EPHA8: variants seen among roughly 807,000 people sequenced by gnomAD.
EPHA8 encodes the protein EPH receptor A8.
A neutral mutation model predicts 103.6 loss-of-function variants in EPHA8; 58 were observed. The ratio of observed to expected loss-of-function variants is 0.56; its 90% CI spans 0.45 to 0.70. The LOEUF (loss-of-function observed/expected upper bound fraction) is 0.70. EPHA8 is among the 30% of genes least tolerant of loss of function. The pLI is 0.00. For synonymous variants in EPHA8, 559 were observed against 572.5 expected, an observed-to-expected ratio of 0.98 and a Z score of 0.34; for missense variants, 1,304 against 1,395.2, an observed-to-expected ratio of 0.93 and a Z score of 1.04.
rs1362201512 is a variant in EPHA8, at chr1:22,588,906, G to A, written c.1015G>A (p.Val339Met). 6 of 1,603,850 alleles carry A rather than the reference G, an allele frequency of 3.7e-6. No individual in the cohort carries two copies. The African/African-American group carries it at 4.0e-5, about 11-fold the overall frequency. Residue 339 changes from valine (V) to methionine (M), a missense_variant, in exon 5 of 17, where the codon GTG (valine) becomes ATG (methionine). Coordinates refer to ENST00000166244, the MANE Select transcript of EPHA8 (RefSeq NM_020526.5). The stretch of plus-strand genomic sequence containing the variant: ...GGCACCAGTGAACCTGATCTCCAGT[G>A]TGAATGGGACATCAGTGACTCTGGA... ...PSAPVNLISS[V>M]NGTSVTLEWA...
rs571655289 is a variant in EPHA8 at position 22,597,176 on chromosome 1, C to T, written c.1766-136C>T. ...TCACTTGGGAAATACTTATGGGGTGCGTGTTGTTTGCTACCACATCCAGAG... is the reference window on the plus strand; with the variant it reads ...TCACTTGGGAAATACTTATGGGGTGTGTGTTGTTTGCTACCACATCCAGAG... On this transcript the variant is annotated intron_variant, in intron 9 of 16. Coordinates refer to ENST00000166244, the MANE Select transcript of EPHA8 (RefSeq NM_020526.5). The surrounding 1 kb of genome is among the most constrained non-coding windows in gnomAD (Gnocchi z 4.6). 8.5e-4 allele frequency: 560 copies of T among 658,622 alleles called. 10 individuals carry two copies. In the South Asian group the frequency reaches 0.012, roughly 14 times the overall value. 40.8% of individuals were successfully genotyped at this position (658,622 alleles called of 1,614,324 possible).
In EPHA8 at chr1:22,576,761, G is replaced by C. The variant is rs374015787; in HGVS notation, c.704G>C (p.Arg235Pro). ...SLVEVRGQCV[R>P]HSEERDTPKM... The stretch of plus-strand genomic sequence containing the variant: ...GTGGAGGTGAGGGGCCAGTGCGTGC[G>C]GCACTCAGAGGAGCGGGACACACCC... The change falls in exon 3 of 17, where the codon CGG becomes CCG. Residue 235 changes from arginine to proline, a missense_variant. By Grantham distance (103) the Arg-to-Pro change is moderately radical (BLOSUM62 -2). Coordinates refer to ENST00000166244, the MANE Select transcript of EPHA8 (RefSeq NM_020526.5). The surrounding 1 kb of genome is among the most constrained non-coding windows in gnomAD (Gnocchi z 4.8). 8 of 1,613,646 alleles carry C rather than the reference G, an allele frequency of 5.0e-6. No homozygotes were observed. Among genetic ancestry groups the C allele is most frequent in the South Asian group, 1.1e-5 (1 of 91,090 alleles).
chr1:22,600,934 G>A lies in EPHA8; in HGVS notation c.2575G>A (p.Ala859Thr), dbSNP rs200796590. ...SSVEEGYRLPAPMGCPHALHQ... is the reference protein window; with the variant it reads ...SSVEEGYRLPTPMGCPHALHQ... ...TGTGGAGGAGGGGTACCGCCTGCCC[G>A]CACCCATGGGCTGCCCCCACGCCCT... The change falls in exon 15 of 17, where the codon GCA becomes ACA. Residue 859 changes from alanine (A) to threonine (T), a missense_variant. By Grantham distance (58) the Ala-to-Thr change is moderately conservative. Coordinates refer to ENST00000166244, the MANE Select transcript of EPHA8 (RefSeq NM_020526.5). 21 of 1,611,686 alleles carry A rather than the reference G, an allele frequency of 1.3e-5. No homozygotes were observed. Among genetic ancestry groups the A allele is most frequent in the African/African-American group, 4.0e-5 (3 of 75,010 alleles).
Position 22,598,922 on chromosome 1 carries a change from G to A in EPHA8, c.2263G>A (p.Gly755Ser). The change falls in exon 13 of 17, where the codon GGC becomes AGC. Residue 755 changes from glycine (G) to serine (S), a missense_variant. Transcript: ENST00000166244. The surrounding 1 kb of genome is among the most constrained non-coding windows in gnomAD (Gnocchi z 5.1). The part of the protein sequence containing the change: ...GAGMRYLSDL[G>S]YVHRDLAARN... The stretch of plus-strand genomic sequence containing the variant: ...CGGCATGCGCTACCTCTCAGACCTG[G>A]GCTATGTCCACCGAGACCTGGCCGC... 3 of 1,609,894 alleles carry A rather than the reference G, an allele frequency of 1.9e-6. No homozygotes were observed. Among genetic ancestry groups the A allele is most frequent in the Non-Finnish European group, 2.5e-6 (3 of 1,178,822 alleles).
At chr1:22,593,791 T>A in intron 7 of EPHA8, 105 bp downstream of exon 7, 6 of 1,337,222 alleles carry the variant, frequency 4.5e-6, no homozygotes, top group Non-Finnish European at 5.9e-6. Flanking sequence ...CCAGTGCCAA[T>A]GCAGGATTTC....
At chr1:22,578,028 T>C (rs1640793990) in intron 3 of EPHA8, among the ~76,000 whole-genome samples, 1 of 100,934 alleles carries the variant, frequency 9.9e-6, no homozygotes, top group East Asian at 3.1e-4. Context: ...TGTACATGTG[T>C]GCATGTGTAT....
At chr1:22,586,453 C>T in intron 3 of EPHA8, 27 bp from the exon 4 acceptor site, 3 of 1,609,458 alleles carry the variant, frequency 1.9e-6, no homozygotes. Flanking sequence ...CCTGCTGGCT[C>T]ATGTGCAGCC....
At chr1:22,578,419 TG>T in intron 3 of EPHA8, among the ~76,000 whole-genome samples, 1 of 143,730 alleles carries the variant, frequency 7.0e-6, no homozygotes, top group East Asian at 2.1e-4. Context: ...CATGTCTGCA[TG>T]TGTACGTATG....
chr1:22,581,353 G>A (rs1290902983), intron 3 of EPHA8, among the ~76,000 whole-genome samples: 1 of 152,216 alleles, frequency 6.6e-6, no homozygotes, highest in African/African-American at 2.4e-5. Flanking sequence ...GTCGGCCACC[G>A]TCCCCAAGTC....
intron 3 of EPHA8, among the ~76,000 whole-genome samples, chr1:22,578,414 C>A (rs1426761404): frequency 1.1e-5 from 1 of 88,750 alleles, no homozygotes; most frequent in East Asian, 3.5e-4. Context: ...GTATGCATGT[C>A]TGCATGTGTA....
At chr1:22,577,475 G>A (rs952966317) in intron 3 of EPHA8, among the ~76,000 whole-genome samples, 1 of 152,126 alleles carries the variant, frequency 6.6e-6, no homozygotes, top group Non-Finnish European at 1.5e-5. Flanking sequence ...GTGGGACCGG[G>A]GCCCTGGGTG....
At chr1:22,585,846 C>T (rs1330864047) in intron 3 of EPHA8, among the ~76,000 whole-genome samples, 2 of 152,144 alleles carry the variant, frequency 1.3e-5, no homozygotes, top group Non-Finnish European at 2.9e-5. Context: ...GTAAAACAGA[C>T]CCCAGGTACC....
intron 3 of EPHA8, among the ~76,000 whole-genome samples, chr1:22,579,079 GTGTACGTGCA>G (rs1640942153): frequency 1.6e-5 from 2 of 128,882 alleles, no homozygotes; most frequent in African/African-American, 5.8e-5. Context: ...GTGTGTGCAT[GTGTACGTGCA>G]TGTGTGCATG....
At chr1:22,594,193 T>C (rs1264598710) in intron 7 of EPHA8, among the ~76,000 whole-genome samples, 1 of 152,010 alleles carries the variant, frequency 6.6e-6, no homozygotes, top group Non-Finnish European at 1.5e-5. Flanking sequence ...GGTCTTGAAC[T>C]CCTGACCTCA....
chr1:22,578,578 T>C (rs570737063), intron 3 of EPHA8, among the ~76,000 whole-genome samples: 1 of 150,906 alleles, frequency 6.6e-6, no homozygotes, highest in South Asian at 2.1e-4. Flanking sequence ...TGTCTGCATG[T>C]GTGCATGAAT....
At chr1:22,600,311 AGAAG>A (rs530151341) in intron 13 of EPHA8, among the ~76,000 whole-genome samples, 34 of 140,476 alleles carry the variant, frequency 2.4e-4, no homozygotes, top group Non-Finnish European at 4.4e-4. Flanking sequence ...GAAGAGGAAA[AGAAG>A]GGAGGAAGGA....
chr1:22,578,199 C>T (rs1353388023), intron 3 of EPHA8, among the ~76,000 whole-genome samples: 15 of 41,030 alleles, frequency 3.7e-4, no homozygotes, highest in Admixed American at 1.5e-3. Context: ...CATGTGTGTG[C>T]GTGCGAGTGT....
At position 22,583,313 on chromosome 1, in the gene EPHA8, T is replaced by C. The variant is rs683992; in HGVS notation, c.824-3167T>C. On this transcript the variant is annotated intron_variant, in intron 3 of 16. Coordinates refer to ENST00000166244, the MANE Select transcript of EPHA8 (RefSeq NM_020526.5). ...GGTGATTAGTATTCTTATTAAAGATTATTTTATTTTCATTGCGTGGATTAA... is the reference window on the plus strand; with the variant it reads ...GGTGATTAGTATTCTTATTAAAGATCATTTTATTTTCATTGCGTGGATTAA... Among the ~76,000 whole-genome samples the C allele has an allele frequency of 9.2e-3, 1,408 of 152,352 alleles. 20 individuals carry two copies. Among genetic ancestry groups the C allele is most frequent in the African/African-American group, 0.032 (1,338 of 41,588 alleles).
rs140243523 is a variant in EPHA8, at chr1:22,597,859, G to A, written c.2114G>A (p.Arg705His). ...ATCCGCCTCGAGGGTGTCGTCACCC[G>A]TGGTAGGTGCCGGGCAAAGACAGCC... The part of the protein sequence containing the change: ...NIIRLEGVVT[R>H]GRLAMIVTEY... The change falls in exon 11 of 17, where the codon CGT becomes CAT. Residue 705 changes from arginine (R) to histidine (H), a missense_variant and splice_region_variant. Arg to His is a conservative substitution (Grantham distance 29). Transcript: ENST00000166244. This position sits in a 1 kb window ranked among gnomAD's most constrained non-coding sequence, Gnocchi z 4.6. The A allele has an allele frequency of 2.9e-5, 46 of 1,606,384 alleles. No individual in the cohort carries two copies. Among genetic ancestry groups the A allele is most frequent in the East Asian group, 6.7e-5 (3 of 44,818 alleles).
Sources: gnomAD v4.1 joint callset for allele counts (sites outside exome capture counted in the v4.1 genomes callset) on GRCh38, gnomAD v4.1.1 for gene constraint, Gnocchi (gnomAD v3.1) non-coding constraint, MANE v1.5 for transcripts, NCBI Gene and HGNC (gene_info 2026-07-23, HGNC 2026-07-21) for gene names.